The following CATSPERB variants were observed in gnomAD, a reference collection of about 807,000 sequenced individuals.
CATSPERB encodes catsper channel auxiliary subunit beta, also known as cation channel sperm-associated auxiliary subunit beta.
A neutral mutation model predicts 128.3 loss-of-function variants in CATSPERB; 93 were observed. That is an observed-to-expected ratio of 0.72 (90% CI 0.61 to 0.86). CATSPERB has a LOEUF of 0.86. Among genes scored for constraint, CATSPERB ranks in the 40% least tolerant of loss-of-function variants. The pLI is 0.00. For synonymous variants in CATSPERB, 381 were observed against 448.8 expected (o/e 0.85, Z 1.91); for missense variants, 1,153 against 1,329.5 (o/e 0.87, Z 2.06).
intron 5 of CATSPERB, among the ~76,000 whole-genome samples, chr14:91,717,983 A>G (rs1165398376): frequency 6.6e-6 from 1 of 152,198 alleles, no homozygotes. Flanking sequence ...TTTTTCTAAA[A>G]TCCTTAAGTT....
In CATSPERB at chr14:91,616,803, A is replaced by G. The variant is rs553847670; in HGVS notation, c.2400+794T>C. On this transcript the variant is annotated intron_variant, in intron 20 of 26. Transcript: ENST00000256343. ...GTTGCCCAGGCTGGAGTGCAATGGC[A>G]CGATCTCGGTTCACTGCAACCTCTG... 4.8e-5 allele frequency among the ~76,000 whole-genome samples: 6 copies of G among 124,580 alleles called. No homozygotes were observed. In the Admixed American group the frequency reaches 6.4e-4, roughly 13 times the overall value. 81.7% of individuals were successfully genotyped at this position (124,580 alleles called of 152,430 possible).
At chr14:91,590,819 T>G (rs956872266) in intron 23 of CATSPERB, among the ~76,000 whole-genome samples, 2 of 150,736 alleles carry the variant, frequency 1.3e-5, no homozygotes, top group African/African-American at 4.9e-5. Flanking sequence ...CCCGGCTAAT[T>G]TTTTTGTATT....
chr14:91,633,847 A>G lies in CATSPERB; in HGVS notation c.1742+2578T>C, dbSNP rs145029186. Among the ~76,000 whole-genome samples the G allele has an allele frequency of 8.0e-3, 1,214 of 151,948 alleles. 19 individuals carry two copies. The highest frequency in any genetic ancestry group is 0.027 in the African/African-American group (1,104 of 41,482). On this transcript the variant is annotated intron_variant, in intron 17 of 26. Transcript: ENST00000256343. ...ATATATATATAGAGAGAGAGAGAGA[A>G]AAAGAAAAAGAGAGAGAGAGTGTCA...
In CATSPERB at chr14:91,703,958, C is replaced by T. The variant is rs113381645; in HGVS notation, c.616+594G>A. Among the ~76,000 whole-genome samples the T allele has an allele frequency of 3.9e-3, 599 of 152,130 alleles. 5 individuals carry two copies. The highest frequency in any genetic ancestry group is 0.014 in the African/African-American group (562 of 41,514). On this transcript the variant is annotated intron_variant, in intron 7 of 26. Transcript: ENST00000256343. ...TGGGGGACAGTCTTGTGGGACTGAG[C>T]CCTTAATCTGTTGTTGGCTGGAGAG... is the stretch of plus-strand genomic sequence containing the variant.
At chr14:91,731,842 T>C (rs938794766) in intron 1 of CATSPERB, 88 bp downstream of exon 1, 2 of 152,286 alleles carry the variant, frequency 1.3e-5, no homozygotes, top group Non-Finnish European at 2.9e-5. Context: ...GGTTCATTTA[T>C]AGTTACTCCA....
chr14:91,679,643 A>T (rs901238606), intron 11 of CATSPERB, among the ~76,000 whole-genome samples: 1 of 152,226 alleles, frequency 6.6e-6, no homozygotes, highest in Non-Finnish European at 1.5e-5. Flanking sequence ...CTTTGGTTAG[A>T]TGAATATTGT....
chr14:91,614,401 G>A (rs1256509980), intron 20 of CATSPERB, among the ~76,000 whole-genome samples: 3 of 152,176 alleles, frequency 2.0e-5, no homozygotes, highest in African/African-American at 4.8e-5. Context: ...AGTGACTCAG[G>A]CTTGTAATCT....
intron 22 of CATSPERB, among the ~76,000 whole-genome samples, chr14:91,597,006 C>T (rs1028339559): frequency 9.2e-5 from 14 of 151,870 alleles, no homozygotes; most frequent in Non-Finnish European, 1.6e-4. Flanking sequence ...CCTGCCTCAG[C>T]CTCCTGAGTA....
chr14:91,688,655 A>G (rs912991185), intron 10 of CATSPERB, among the ~76,000 whole-genome samples: 3 of 152,046 alleles, frequency 2.0e-5, no homozygotes, highest in Admixed American at 6.6e-5. Flanking sequence ...AAGTTTCTTC[A>G]TCTTGATTTT....
chr14:91,680,757 A>T (rs867081263), intron 11 of CATSPERB, among the ~76,000 whole-genome samples: 1 of 152,274 alleles, frequency 6.6e-6, no homozygotes, highest in East Asian at 1.9e-4. Flanking sequence ...ATCTTTACCA[A>T]AAAAGAGGAA....
Position 91,690,614 on chromosome 14 carries a change from C to T in CATSPERB, c.864+909G>A, listed in dbSNP as rs112602748. 5.2e-3 allele frequency among the ~76,000 whole-genome samples: 797 copies of T among 152,372 alleles called. 9 individuals are homozygous for T. Among genetic ancestry groups the T allele is most frequent in the African/African-American group, 0.018 (742 of 41,596 alleles). ...TTATTTCCCTCTATTCTTTATAATG[C>T]AAATCATTTTTGCCCATCTGGCTCT... On this transcript the variant is annotated intron_variant, in intron 10 of 26. Coordinates refer to ENST00000256343, the MANE Select transcript of CATSPERB (RefSeq NM_024764.4).
chr14:91,658,422 G>A (rs199781956), intron 15 of CATSPERB, among the ~76,000 whole-genome samples: 1 of 151,938 alleles, frequency 6.6e-6, no homozygotes, highest in African/African-American at 2.4e-5. Context: ...GGAGAATGGC[G>A]ATGGTTAATG....
chr14:91,661,548 T>TATATATATATATATA (rs1566722229), intron 14 of CATSPERB, among the ~76,000 whole-genome samples: 29 of 146,842 alleles, frequency 2.0e-4, no homozygotes, highest in Admixed American at 2.7e-4. Flanking sequence ...TATATATATA[T>TATATATATATATATA]TTAAGACAGG....
chr14:91,717,113 C>T (rs1895957029), intron 5 of CATSPERB, among the ~76,000 whole-genome samples: 1 of 152,086 alleles, frequency 6.6e-6, no homozygotes, highest in Admixed American at 6.6e-5. Context: ...TGAAAGAAGC[C>T]AGACTCAAAG....
At chr14:91,594,352 A>G (rs1305286444) in intron 22 of CATSPERB, among the ~76,000 whole-genome samples, 1 of 152,122 alleles carries the variant, frequency 6.6e-6, no homozygotes, top group Non-Finnish European at 1.5e-5. Flanking sequence ...GGGGAGGGAT[A>G]GCATTAGGAG....
intron 22 of CATSPERB, among the ~76,000 whole-genome samples, chr14:91,597,431 TAAAC>T (rs1309168359): frequency 6.6e-6 from 1 of 152,230 alleles, no homozygotes; most frequent in Non-Finnish European, 1.5e-5. Flanking sequence ...CAAAATTTTG[TAAAC>T]AATCTATAAA....
chr14:91,648,188 CTCT>C (rs1305213443), intron 15 of CATSPERB, among the ~76,000 whole-genome samples: 1 of 152,136 alleles, frequency 6.6e-6, no homozygotes, highest in East Asian at 1.9e-4. Flanking sequence ...TTAAAATAGC[CTCT>C]TATCAACATA....
intron 10 of CATSPERB, among the ~76,000 whole-genome samples, chr14:91,684,932 T>G (rs902277783): frequency 7.9e-5 from 12 of 151,968 alleles, no homozygotes; most frequent in South Asian, 6.2e-4. Flanking sequence ...TCACTTTATT[T>G]ATTGATTGAT....
intron 15 of CATSPERB, among the ~76,000 whole-genome samples, chr14:91,654,558 T>C (rs1043086342): frequency 1.3e-5 from 2 of 152,098 alleles, no homozygotes; most frequent in African/African-American, 4.8e-5. Flanking sequence ...AAAGACTTTG[T>C]CTTGCAGCTT....
Sources: allele counts gnomAD v4.1 joint callset (sites outside exome capture counted in the v4.1 genomes callset), GRCh38; gene constraint gnomAD v4.1.1; transcripts MANE v1.5; gene names NCBI Gene and HGNC (gene_info 2026-07-23, HGNC 2026-07-21).